FANCB: variants seen among roughly 807,000 people sequenced by gnomAD.
FANCB encodes the protein FA complementation group B, also known as Fanconi anemia group B protein.
In FANCB, 5 loss-of-function variants were observed where a neutral mutation model predicts 38.9. The observed-to-expected ratio is 0.13, with a 90% CI of 0.07 to 0.27. The LOEUF (loss-of-function observed/expected upper bound fraction) is 0.27, where lower values mean the gene tolerates loss of function less well. FANCB is among the 10% of genes least tolerant of loss of function. The pLI, the probability that FANCB is intolerant of heterozygous loss-of-function variation, is 1.00. For missense variants in FANCB, 573 were observed against 602.7 expected (o/e 0.95, Z 0.52); for synonymous variants, 236 against 215.4 (o/e 1.10, Z -0.84).
chrX:14,742,784 C>T, the FANCB span, among the ~76,000 whole-genome samples: 2 of 112,269 alleles, frequency 1.8e-5, no homozygotes, highest in Admixed American at 1.9e-4. Flanking sequence ...CTTTAGCAAA[C>T]GGTGACAACA....
intron 3 of FANCB, among the ~76,000 whole-genome samples, chrX:14,860,814 A>G (rs578116475): frequency 9.0e-6 from 1 of 111,453 alleles, no homozygotes; most frequent in African/African-American, 3.3e-5. Flanking sequence ...GAATACATTA[A>G]CCTCTATCAA....
chrX:14,804,332 T>C, the FANCB span, among the ~76,000 whole-genome samples: 9 of 111,919 alleles, frequency 8.0e-5, no homozygotes, highest in Admixed American at 8.5e-4. Context: ...ATGTCCTTTG[T>C]AGGGACAAGG....
chrX:14,867,949 C>A (rs1569094252), intron 2 of FANCB, among the ~76,000 whole-genome samples: 1 of 110,144 alleles, frequency 9.1e-6, no homozygotes, highest in Non-Finnish European at 1.9e-5. Context: ...GGTACACACA[C>A]AAAAAAAATG....
chrX:14,745,168 G>C, the FANCB span, among the ~76,000 whole-genome samples: 3 of 111,425 alleles, frequency 2.7e-5, no homozygotes, highest in Non-Finnish European at 5.7e-5. Context: ...ACTTCCCCCT[G>C]TTAAAAGATA....
chrX:14,837,887 T>C (rs1304778678), intron 10 of FANCB, among the ~76,000 whole-genome samples: 1 of 111,987 alleles, frequency 8.9e-6, no homozygotes, highest in Non-Finnish European at 1.9e-5. Flanking sequence ...AGTTTCTTTA[T>C]CGATAAACAG....
chrX:14,803,011 A>G, the FANCB span, among the ~76,000 whole-genome samples: 1 of 112,399 alleles, frequency 8.9e-6, no homozygotes, highest in Non-Finnish European at 1.9e-5. Flanking sequence ...GATTTCTACC[A>G]TGTTCTTTTG....
intron 3 of FANCB, among the ~76,000 whole-genome samples, 180 bp from the exon 4 acceptor site, chrX:14,859,514 G>T (rs1013584535): frequency 1.8e-5 from 2 of 112,015 alleles, no homozygotes; most frequent in Non-Finnish European, 3.8e-5. Context: ...AAATATAAGA[G>T]TTATAAAAAC....
chrX:14,740,181 T>C, the FANCB span, among the ~76,000 whole-genome samples: 1 of 111,916 alleles, frequency 8.9e-6, no homozygotes, highest in Admixed American at 9.5e-5. Flanking sequence ...CTTATACTAT[T>C]TCTGCTTCTT....
the FANCB span, among the ~76,000 whole-genome samples, chrX:14,811,697 G>C: frequency 4.5e-5 from 5 of 111,302 alleles, no homozygotes; most frequent in Non-Finnish European, 1.9e-5. Flanking sequence ...AAGAGACTTA[G>C]ACTCCCATAT....
chrX:14,815,262 A>G, the FANCB span, among the ~76,000 whole-genome samples: 2 of 110,918 alleles, frequency 1.8e-5, no homozygotes, highest in African/African-American at 6.6e-5. Context: ...TGGCACATGT[A>G]TACATATGTA....
At chrX:14,751,569 A>G in the FANCB span, among the ~76,000 whole-genome samples, 2 of 111,707 alleles carry the variant, frequency 1.8e-5, no homozygotes, top group African/African-American at 6.5e-5. Flanking sequence ...TACTGGGTAC[A>G]CTCAGTTTGT....
downstream of FANCB, among the ~76,000 whole-genome samples, chrX:14,839,064 AG>A (rs2092348095): frequency 9.0e-6 from 1 of 111,149 alleles, no homozygotes; most frequent in South Asian, 3.8e-4. Context: ...GAGGTCGAGG[AG>A]GGCGGATCAC....
the FANCB span, among the ~76,000 whole-genome samples, chrX:14,794,383 T>C: frequency 1.8e-5 from 2 of 111,356 alleles, no homozygotes; most frequent in African/African-American, 6.5e-5. Flanking sequence ...GGTAAAATAA[T>C]GAGTTGAGTC....
At chrX:14,730,594 GAGGGAGGGTCAT>G in the FANCB span, 4 of 108,949 alleles carry the variant, frequency 3.7e-5, no homozygotes, top group South Asian at 2.8e-4. Flanking sequence ...AGGGAGGGGG[GAGGGAGGGTCAT>G]GGGGGTGGGT....
the FANCB span, among the ~76,000 whole-genome samples, chrX:14,757,618 C>G: frequency 9.0e-6 from 1 of 111,511 alleles, no homozygotes; most frequent in Admixed American, 9.5e-5. Flanking sequence ...TTACCTGGAG[C>G]TGAGAAGAAT....
the FANCB span, among the ~76,000 whole-genome samples, chrX:14,815,909 A>G: frequency 8.9e-6 from 1 of 112,477 alleles, no homozygotes; most frequent in Non-Finnish European, 1.9e-5. Context: ...ATAACTCAGA[A>G]ACAGAAAGCC....
chrX:14,737,585 T>C, the FANCB span, among the ~76,000 whole-genome samples: 1 of 112,016 alleles, frequency 8.9e-6, no homozygotes, highest in Non-Finnish European at 1.9e-5. Flanking sequence ...CTTTTCTGAA[T>C]AGTTGTTTCA....
At chrX:14,810,974 G>A in the FANCB span, among the ~76,000 whole-genome samples, 3,788 of 112,003 alleles carry the variant, frequency 0.034, 50 homozygotes, top group African/African-American at 0.054. Flanking sequence ...TCTCTCGGCA[G>A]AAACTCTACA....
At chrX:14,835,391 G>C (rs2092338497), downstream of FANCB, 2 of 390,609 alleles carry the variant, frequency 5.1e-6, no homozygotes, top group East Asian at 1.3e-4. Context: ...CAAGAGAAGA[G>C]CCGCGCAGGA....
Sources: allele counts gnomAD v4.1 joint callset (sites outside exome capture counted in the v4.1 genomes callset), GRCh38; gene constraint gnomAD v4.1.1; transcripts MANE v1.5; gene names NCBI Gene and HGNC (gene_info 2026-07-23, HGNC 2026-07-21).